Variants in KAT14 observed in about 807,000 individuals in gnomAD.
KAT14 encodes lysine acetyltransferase 14.
In KAT14, 66 loss-of-function variants were observed where a neutral mutation model predicts 78.4. The observed-to-expected ratio is 0.84, with a 90% CI of 0.69 to 1.03. The LOEUF is 1.03. KAT14 is among the 50% of genes least tolerant of loss of function. KAT14 has a pLI of 0.00. For synonymous variants in KAT14, 344 were observed against 359.4 expected, an observed-to-expected ratio of 0.96 and a Z score of 0.48; for missense variants, 870 against 972.5, an observed-to-expected ratio of 0.89 and a Z score of 1.40.
chr20:18,138,291 T>G, intron 1 of KAT14: 6 of 1,199,958 alleles, frequency 5.0e-6, no homozygotes, highest in Non-Finnish European at 4.1e-6. Context: ...CTGCCCGGCT[T>G]AGCGCCTTTG....
At chr20:18,179,972 G>A (rs764394762) in intron 7 of KAT14, among the ~76,000 whole-genome samples, 6 of 152,028 alleles carry the variant, frequency 3.9e-5, no homozygotes, top group Non-Finnish European at 8.8e-5. Context: ...AGGTTCAAGT[G>A]ATTCTCCTGC....
At chr20:18,186,273 C>T (rs144467440) in intron 10 of KAT14, among the ~76,000 whole-genome samples, 16 of 152,234 alleles carry the variant, frequency 1.1e-4, no homozygotes, top group South Asian at 8.3e-4. Context: ...ACATAGGTGG[C>T]GCACAGTCGC....
chr20:18,181,790 T>G lies in KAT14; in HGVS notation c.1749T>G (p.Ala583=). 6.2e-7 allele frequency: 1 copy of G among 1,614,220 alleles called. No homozygotes were observed. The highest frequency in any genetic ancestry group is 1.3e-5 in the African/African-American group (1 of 75,052). The part of the protein sequence containing the change: ...LYRLVGSEDM[A]VDQSIVSPYT... ...GCTTGGTAGGATCAGAAGATATGGC[T>G]GTGGACCAGAGTATTGTCAGCCCTT... Residue 583 remains alanine, a synonymous_variant, in exon 8 of 11, where the codon GCT becomes GCG. Coordinates refer to ENST00000688188, the MANE Select transcript of KAT14 (RefSeq NM_001392073.1).
rs2039490622 is a variant in KAT14 at position 18,187,623 on chromosome 20, G to A, written c.*164G>A. ...AAAGCGGCATGCAGTGAAATGAGCA[G>A]TGAGCAGCCCTTTAGCAAAATCGCC... On this transcript the variant is annotated 3_prime_UTR_variant, in exon 11 of 11. Transcript: ENST00000688188. 3 of 1,209,012 alleles carry A rather than the reference G, an allele frequency of 2.5e-6. No homozygotes were observed. In the South Asian group the frequency reaches 4.8e-5, roughly 19 times the overall value. 74.9% of individuals were successfully genotyped at this position (1,209,012 alleles called of 1,614,324 possible).
chr20:18,153,867 A>G (rs900033747), intron 4 of KAT14, among the ~76,000 whole-genome samples: 23 of 152,358 alleles, frequency 1.5e-4, no homozygotes, highest in East Asian at 5.8e-4. Flanking sequence ...GTAGAATGTA[A>G]CAATAAAAAT....
Position 18,146,084 on chromosome 20 carries a change from A to G in KAT14, c.378+733A>G, listed in dbSNP as rs139757660. 2.1e-3 allele frequency among the ~76,000 whole-genome samples: 320 copies of G among 152,278 alleles called. No individual in the cohort carries two copies. The Middle Eastern group carries it at 0.024, about 11-fold the overall frequency. On this transcript the variant is annotated intron_variant, in intron 3 of 10. Transcript: ENST00000688188. ...TTGCTGAAATACTTGTTCCTTTTTA[A>G]CTGTCTCTAATATCAGCACCCTAAT...
At position 18,184,777 on chromosome 20, in the gene KAT14, C is replaced by A. The variant is rs2039400151; in HGVS notation, c.2157C>A (p.Ile719=). 2 of 1,606,058 alleles carry A rather than the reference C, an allele frequency of 1.2e-6. No homozygotes were observed. Among genetic ancestry groups the A allele is most frequent in the East Asian group, 2.2e-5 (1 of 44,556 alleles). ...GAGCAGGGATTGCAACTTTCATGAT[C>A]TATCATCTGATTCAGGTAAGTTGTC... is the stretch of plus-strand genomic sequence containing the variant. ...WRRAGIATFM[I]YHLIQTCMGK... is the part of the protein sequence containing the mutation. Residue 719 remains isoleucine (I), a synonymous_variant, in exon 10 of 11, where the codon ATC becomes ATA. Transcript: ENST00000688188.
chr20:18,166,806 T>C (rs1204779789), intron 7 of KAT14, among the ~76,000 whole-genome samples: 1 of 152,242 alleles, frequency 6.6e-6, no homozygotes, highest in Non-Finnish European at 1.5e-5. Context: ...GGAAGTAAAA[T>C]TTGAGACCAA....
chr20:18,152,322 A>T (rs1236528268), intron 4 of KAT14, among the ~76,000 whole-genome samples: 2 of 152,076 alleles, frequency 1.3e-5, no homozygotes, highest in Non-Finnish European at 2.9e-5. Context: ...CAGGCCTGTA[A>T]TCCCAGCATT....
chr20:18,162,595 G>T lies in KAT14; in HGVS notation c.1318G>T (p.Ala440Ser), dbSNP rs1030407295. The change falls in exon 7 of 11, where the codon GCT becomes TCT. Residue 440 changes from alanine to serine, a missense_variant. Coordinates refer to ENST00000688188, the MANE Select transcript of KAT14 (RefSeq NM_001392073.1). ...TTCAAACACATCTTTGCAAACAAGG[G>T]CTAGAGAAAAGAGGAAGCCTCAGCT... ...TDSNTSLQTR[A>S]REKRKPQLEK... 1 of 1,614,022 alleles carries T rather than the reference G, an allele frequency of 6.2e-7. No homozygotes were observed. The highest frequency in any genetic ancestry group is 2.2e-5 in the East Asian group (1 of 44,888).
At chr20:18,151,031 A>AAC in intron 4 of KAT14, 89 bp downstream of exon 4, 1 of 1,510,464 alleles carries the variant, frequency 6.6e-7, no homozygotes, top group Non-Finnish European at 9.0e-7. Flanking sequence ...TAGACTTGTT[A>AAC]GAGATTTATT....
intron 7 of KAT14, among the ~76,000 whole-genome samples, chr20:18,164,566 T>C (rs1600228972): frequency 6.6e-6 from 1 of 151,672 alleles, no homozygotes; most frequent in South Asian, 2.1e-4. Context: ...GTTAAGTCAT[T>C]TGCTGCTTGT....
At chr20:18,138,281 C>T (rs1381995639) in intron 1 of KAT14, 2 of 1,217,230 alleles carry the variant, frequency 1.6e-6, no homozygotes, top group Non-Finnish European at 2.0e-6. Flanking sequence ...GACGACCCGG[C>T]TGCCCGGCTT....
chr20:18,159,300 C>A lies in KAT14; in HGVS notation c.682+35C>A. 3 of 1,598,212 alleles carry A rather than the reference C, an allele frequency of 1.9e-6. No individual in the cohort carries two copies. The South Asian group carries it at 3.4e-5, about 18-fold the overall frequency. On this transcript the variant is annotated intron_variant, in intron 5 of 10. Coordinates refer to ENST00000688188, the MANE Select transcript of KAT14 (RefSeq NM_001392073.1). ...TGAGAACAGTACAAAAGTTGCTAGT[C>A]AGACCAGAGCCAAGCAGGTGTGAGC...
chr20:18,171,686 C>T (rs1211997235), intron 7 of KAT14, among the ~76,000 whole-genome samples: 3 of 152,146 alleles, frequency 2.0e-5, no homozygotes, highest in Non-Finnish European at 2.9e-5. Flanking sequence ...GTGGTGTACA[C>T]CTGTAGTCCC....
intron 7 of KAT14, among the ~76,000 whole-genome samples, chr20:18,174,571 A>G (rs930374959): frequency 6.6e-6 from 1 of 151,770 alleles, no homozygotes; most frequent in African/African-American, 2.4e-5. Flanking sequence ...GATGACTATT[A>G]TACTTTAAAA....
chr20:18,185,082 G>A (rs58577866), intron 10 of KAT14, among the ~76,000 whole-genome samples: 17,995 of 152,178 alleles, frequency 0.12, 1,387 homozygotes, highest in African/African-American at 0.22. Context: ...GAGCTTTAGG[G>A]TGGACTATTC....
chr20:18,164,148 CT>C (rs1315092261), intron 7 of KAT14, among the ~76,000 whole-genome samples: 3 of 152,166 alleles, frequency 2.0e-5, no homozygotes, highest in East Asian at 1.9e-4. Flanking sequence ...ATCCTCTTTT[CT>C]TTTTTTTCCT....
intron 2 of KAT14, among the ~76,000 whole-genome samples, chr20:18,144,258 G>T (rs1305511029): frequency 1.3e-5 from 2 of 152,248 alleles, no homozygotes; most frequent in South Asian, 4.1e-4. Context: ...GCTTCTGAGC[G>T]GTCTCTGTTA....
Sources: allele counts gnomAD v4.1 joint callset (sites outside exome capture counted in the v4.1 genomes callset), GRCh38; gene constraint gnomAD v4.1.1; transcripts MANE v1.5; gene names NCBI Gene and HGNC (gene_info 2026-07-23, HGNC 2026-07-21).